AKT3: variants seen among roughly 807,000 people sequenced by gnomAD.
The protein encoded by AKT3 is AKT serine/threonine kinase 3, also known as RAC-gamma serine/threonine-protein kinase.
A neutral mutation model predicts 65.3 loss-of-function variants in AKT3; 15 were observed. The ratio of observed to expected loss-of-function variants is 0.23; its 90% CI spans 0.15 to 0.35. The LOEUF (loss-of-function observed/expected upper bound fraction) is 0.35, where lower values mean the gene tolerates loss of function less well. AKT3 is among the 10% of genes least tolerant of loss of function. The pLI, the probability that AKT3 is intolerant of heterozygous loss-of-function variation, is 1.00. For missense variants in AKT3, 243 were observed against 576.5 expected, an observed-to-expected ratio of 0.42 and a Z score of 5.92; for synonymous variants, 206 against 183.8, an observed-to-expected ratio of 1.12 and a Z score of -0.98.
chr1:243,752,355 T>C lies in AKT3; in HGVS notation c.47-56639A>G, dbSNP rs565783729. 5.9e-5 allele frequency among the ~76,000 whole-genome samples: 9 copies of C among 152,312 alleles called. No individual in the cohort carries two copies. In the East Asian group the frequency reaches 1.7e-3, roughly 29 times the overall value. ...TTTCCGAACAGCTTTGATTCTGAAA[T>C]GAACATTCTTTGTATTTGATGACAC... On this transcript the variant is annotated intron_variant, in intron 2 of 13. Transcript: ENST00000673466.
At position 243,776,123 on chromosome 1, in the gene AKT3, T is replaced by C. The variant is rs758528741; in HGVS notation, c.46+67002A>G. Among the ~76,000 whole-genome samples, 187 of 152,322 alleles carry C rather than the reference T, an allele frequency of 1.2e-3. 1 individual carries two copies. Among genetic ancestry groups the C allele is most frequent in the Admixed American group, 2.4e-3 (37 of 15,308 alleles). On this transcript the variant is annotated intron_variant, in intron 2 of 13. Coordinates refer to ENST00000673466, the MANE Select transcript of AKT3 (RefSeq NM_005465.7). ...TTCCTACATTGCCCTTCTTAATGAATGTTATCACATACTTTCCATCAATGA... is the reference window on the plus strand; with the variant it reads ...TTCCTACATTGCCCTTCTTAATGAACGTTATCACATACTTTCCATCAATGA...
intron 2 of AKT3, among the ~76,000 whole-genome samples, chr1:243,821,252 T>C (rs1212089274): frequency 6.6e-6 from 1 of 152,016 alleles, no homozygotes; most frequent in African/African-American, 2.4e-5. Flanking sequence ...TTCACCACTA[T>C]CAGGCCTGCT....
At chr1:243,813,857 C>T (rs1693348147) in intron 2 of AKT3, among the ~76,000 whole-genome samples, 1 of 152,158 alleles carries the variant, frequency 6.6e-6, no homozygotes, top group African/African-American at 2.4e-5. Flanking sequence ...GTATTCCCAG[C>T]ATTTTTGGAG....
intron 8 of AKT3, among the ~76,000 whole-genome samples, chr1:243,580,174 T>A (rs1368666210): frequency 6.6e-6 from 1 of 152,138 alleles, no homozygotes; most frequent in East Asian, 1.9e-4. Context: ...AATCATGACG[T>A]ACACTCCAGA....
chr1:243,773,039 G>C, intron 2 of AKT3, among the ~76,000 whole-genome samples: 1 of 128,820 alleles, frequency 7.8e-6, no homozygotes, highest in South Asian at 3.0e-4. Context: ...GGCTGTTGTG[G>C]GGTGGGGGGA....
At chr1:243,524,548 G>A (rs985054111) in intron 12 of AKT3, among the ~76,000 whole-genome samples, 6 of 152,212 alleles carry the variant, frequency 3.9e-5, no homozygotes, top group Non-Finnish European at 7.3e-5. Context: ...TGGCTGCACT[G>A]AACTAACCAT....
chr1:243,681,476 A>C (rs1683913835), intron 3 of AKT3, among the ~76,000 whole-genome samples: 1 of 152,182 alleles, frequency 6.6e-6, no homozygotes. Context: ...GACTGGCTCA[A>C]CATTACATAA....
chr1:243,626,619 G>C (rs577467804), intron 6 of AKT3, among the ~76,000 whole-genome samples: 1 of 152,200 alleles, frequency 6.6e-6, no homozygotes, highest in East Asian at 1.9e-4. Context: ...ATGCACACCT[G>C]TAGGTACAAT....
chr1:243,730,318 C>G (rs1343804082), intron 2 of AKT3, among the ~76,000 whole-genome samples: 1 of 152,188 alleles, frequency 6.6e-6, no homozygotes, highest in Non-Finnish European at 1.5e-5. Context: ...AGCTGTTCTG[C>G]TACTCAGTAA....
At chr1:243,535,980 T>A (rs532656715) in intron 12 of AKT3, among the ~76,000 whole-genome samples, 2 of 152,324 alleles carry the variant, frequency 1.3e-5, no homozygotes, top group South Asian at 2.1e-4. Flanking sequence ...ATTTGTGATG[T>A]TGAACATTTT....
upstream of AKT3, chr1:243,850,943 C>T (rs947121169): frequency 6.6e-6 from 1 of 152,138 alleles, no homozygotes; most frequent in Admixed American, 6.5e-5. Flanking sequence ...CTCGGCGCAT[C>T]CGCCCACCCG....
intron 4 of AKT3, among the ~76,000 whole-genome samples, chr1:243,659,099 G>A (rs1374421954): frequency 6.6e-6 from 1 of 152,028 alleles, no homozygotes; most frequent in Non-Finnish European, 1.5e-5. Flanking sequence ...TAAAAAAGAA[G>A]AAAATCCTCT....
At chr1:243,754,547 G>T (rs1268366463) in intron 2 of AKT3, among the ~76,000 whole-genome samples, 8 of 152,168 alleles carry the variant, frequency 5.3e-5, no homozygotes. Flanking sequence ...TTAGGAACCA[G>T]GCCACGCAGC....
chr1:243,527,892 C>CACACACAAGCAAGACTCCATCTCTTAAA (rs1479890498), intron 12 of AKT3, among the ~76,000 whole-genome samples: 1,763 of 101,284 alleles, frequency 0.017, 125 homozygotes, highest in African/African-American at 0.072. Context: ...CACACACACA[C>CACACACAAGCAAGACTCCATCTCTTAAA]ACACACACAC....
At chr1:243,506,042 CA>C (rs1331152286) in intron 13 of AKT3, among the ~76,000 whole-genome samples, 1 of 152,238 alleles carries the variant, frequency 6.6e-6, no homozygotes, top group Non-Finnish European at 1.5e-5. Flanking sequence ...AGATGATCAG[CA>C]CCCTGTTCTC....
chr1:243,673,604 TTA>T (rs1372749678), intron 3 of AKT3, among the ~76,000 whole-genome samples: 3 of 146,130 alleles, frequency 2.1e-5, no homozygotes, highest in Admixed American at 7.4e-5. Flanking sequence ...TGAAAAATAA[TTA>T]TGAGATTTTT....
chr1:243,581,924 T>C (rs1675394944), intron 8 of AKT3, among the ~76,000 whole-genome samples: 1 of 151,712 alleles, frequency 6.6e-6, no homozygotes, highest in Non-Finnish European at 1.5e-5. Context: ...TTGAAAAAAT[T>C]CACATAAGGA....
At chr1:243,506,002 T>C (rs1669642892) in intron 13 of AKT3, among the ~76,000 whole-genome samples, 1 of 152,248 alleles carries the variant, frequency 6.6e-6, no homozygotes. Flanking sequence ...TCCTGTCAGC[T>C]TTCCTGGTTT....
chr1:243,527,716 A>G (rs928680499), intron 12 of AKT3, among the ~76,000 whole-genome samples: 18 of 152,168 alleles, frequency 1.2e-4, no homozygotes, highest in African/African-American at 4.3e-4. Context: ...CTTAATAAGA[A>G]GGCAGAACTT....
Sources: gnomAD v4.1 joint callset for allele counts (sites outside exome capture counted in the v4.1 genomes callset) on GRCh38, gnomAD v4.1.1 for gene constraint, MANE v1.5 for transcripts, NCBI Gene and HGNC (gene_info 2026-07-23, HGNC 2026-07-21) for gene names.